ZNF532: variants seen among roughly 807,000 people sequenced by gnomAD.
ZNF532 encodes the protein zinc finger protein 532.
Under a neutral mutation model 89.3 loss-of-function variants are expected in ZNF532, and 22 were observed. That is an observed-to-expected ratio of 0.25 (90% CI 0.18 to 0.35). The LOEUF is 0.35. ZNF532 is among the 10% of genes least tolerant of loss of function. The pLI is 1.00. For missense variants in ZNF532, 1,132 were observed against 1,643.4 expected (o/e 0.69, Z 5.38); for synonymous variants, 606 against 649.6 (o/e 0.93, Z 1.02).
chr18:58,955,618 T>C (rs2064689032), intron 7 of ZNF532, among the ~76,000 whole-genome samples: 2 of 152,268 alleles, frequency 1.3e-5, no homozygotes, highest in Admixed American at 1.3e-4. Flanking sequence ...TGTTTTACTT[T>C]GTGATTATCC....
rs767695748 is a variant in ZNF532 at position 58,939,633 on chromosome 18, C to T, written c.2705+12C>T. 1.4e-5 allele frequency: 22 copies of T among 1,604,290 alleles called. No homozygotes were observed. The highest frequency in any genetic ancestry group is 1.2e-4 in the Admixed American group (7 of 58,014). On this transcript the variant is annotated intron_variant, in intron 5 of 9. Transcript: ENST00000591808. The stretch of plus-strand genomic sequence containing the variant: ...ATAGGAGAACCAAAGTAAGTCATAC[C>T]GACTTTCAAGTTTTACTCCACTGCT...
At position 58,919,313 on chromosome 18, in the gene ZNF532, C is replaced by G. The variant is rs368941599; in HGVS notation, c.1026C>G (p.Asn342Lys). 6.2e-7 allele frequency: 1 copy of G among 1,614,196 alleles called. No homozygotes were observed. Among genetic ancestry groups the G allele is most frequent in the Non-Finnish European group, 8.5e-7 (1 of 1,180,042 alleles). ...PDSPRSISSE[N>K]SSKGSPSSPA... ...GTCCCAGAAGCATCTCAAGTGAGAACAGCAGCAAAGGATCCCCGTCCTCTC... is the reference window on the plus strand; with the variant it reads ...GTCCCAGAAGCATCTCAAGTGAGAAGAGCAGCAAAGGATCCCCGTCCTCTC... Residue 342 changes from asparagine to lysine, a missense_variant, in exon 3 of 10, where the codon AAC (asparagine) becomes AAG (lysine). By Grantham distance (94) the Asn-to-Lys change is moderately conservative. This residue lies in a region of ZNF532 where 124 missense variants were observed against 191.6 expected (regional missense o/e 0.65). Transcript: ENST00000591808. This position sits in a 1 kb window ranked among gnomAD's most constrained non-coding sequence, Gnocchi z 6.1.
intron 2 of ZNF532, among the ~76,000 whole-genome samples, chr18:58,869,306 GAC>G (rs1375492225): frequency 6.6e-6 from 1 of 152,190 alleles, no homozygotes; most frequent in African/African-American, 2.4e-5. Flanking sequence ...ATTGTCTGAA[GAC>G]ACACGAGAGA....
chr18:58,863,478 CTTTTGTT>C (rs2056136405), upstream of ZNF532: 1 of 2,228 alleles, frequency 4.5e-4, no homozygotes, highest in Non-Finnish European at 1.0e-3. Context: ...CCCGCGCTCC[CTTTTGTT>C]CGCTCGCCGC....
chr18:58,960,055 C>T (rs1456376729), intron 7 of ZNF532, among the ~76,000 whole-genome samples: 1 of 152,218 alleles, frequency 6.6e-6, no homozygotes, highest in Non-Finnish European at 1.5e-5. Context: ...TCTCCTGCCT[C>T]AGCCTCCTAA....
At chr18:58,934,321 T>C in intron 3 of ZNF532, 112 bp from the exon 4 acceptor site, 1 of 983,378 alleles carries the variant, frequency 1.0e-6, no homozygotes, top group Non-Finnish European at 1.5e-6. Flanking sequence ...AATCAATTAC[T>C]GTAGTGTTTG....
In ZNF532 at chr18:58,888,724, T is replaced by A. The variant is rs1364566848; in HGVS notation, c.-18+23145T>A. 7.4e-3 allele frequency among the ~76,000 whole-genome samples: 280 copies of A among 37,816 alleles called. 16 individuals are homozygous for A. The highest frequency in any genetic ancestry group is 0.018 in the African/African-American group (141 of 7,842). 24.8% of individuals were successfully genotyped at this position (37,816 alleles called of 152,430 possible). A position where few individuals can be genotyped will look rare whatever the true frequency, so the allele number is the denominator to read the frequency against. On this transcript the variant is annotated intron_variant, in intron 2 of 9. Transcript: ENST00000591808. The stretch of plus-strand genomic sequence containing the variant: ...ATATATATATATATATATATATATA[T>A]AAATTATATATATATATTTTATATA...
chr18:58,959,441 T>C (rs1284887506), intron 7 of ZNF532, among the ~76,000 whole-genome samples: 1 of 152,024 alleles, frequency 6.6e-6, no homozygotes, highest in Non-Finnish European at 1.5e-5. Context: ...TGTGTTTTTA[T>C]AGAGACGGTG....
At chr18:58,887,945 C>T (rs1012591744) in intron 2 of ZNF532, among the ~76,000 whole-genome samples, 7 of 152,146 alleles carry the variant, frequency 4.6e-5, no homozygotes, top group Admixed American at 3.3e-4. Context: ...ATTAAAGGAG[C>T]CCTCCCCAAA....
Position 58,925,554 on chromosome 18 carries a change from C to T in ZNF532, c.2346+4921C>T, listed in dbSNP as rs933220415. On this transcript the variant is annotated intron_variant, in intron 3 of 9. Transcript: ENST00000591808. ...TTGGCTATGTGGCTGCAAGTGTTTT[C>T]GCCCAGTCTATAGCTTGTCTTTTCA... 4.6e-5 allele frequency among the ~76,000 whole-genome samples: 7 copies of T among 152,176 alleles called. No homozygotes were observed. In the East Asian group the frequency reaches 7.7e-4, roughly 17 times the overall value.
chr18:58,898,825 G>T (rs1378410649), intron 2 of ZNF532, among the ~76,000 whole-genome samples: 1 of 152,184 alleles, frequency 6.6e-6, no homozygotes, highest in Non-Finnish European at 1.5e-5. Flanking sequence ...GGTACCCCAG[G>T]GCAGGGGCTG....
chr18:58,979,309 A>T, intron 8 of ZNF532, 142 bp downstream of exon 8: 4 of 529,574 alleles, frequency 7.6e-6, no homozygotes, highest in Non-Finnish European at 1.3e-5. Context: ...TTTGGCATAG[A>T]GTTTTTGGAT....
chr18:58,888,787 A>AATT lies in ZNF532; in HGVS notation c.-18+23210_-18+23211insTAT, dbSNP rs1568246610. The stretch of plus-strand genomic sequence containing the variant: ...ATATATATAATTTATATATATATAA[A>AATT]ATATATATAATTTATATATATAAAA... On this transcript the variant is annotated intron_variant, in intron 2 of 9. Coordinates refer to ENST00000591808, the MANE Select transcript of ZNF532 (RefSeq NM_001375912.1). Among the ~76,000 whole-genome samples, 11 of 8,160 alleles carry AATT rather than the reference A, an allele frequency of 1.3e-3. No individual in the cohort carries two copies. In the South Asian group the frequency reaches 0.023, roughly 17 times the overall value. 5.4% of individuals were successfully genotyped at this position (8,160 alleles called of 152,430 possible).
chr18:58,891,067 C>T (rs1488089746), intron 2 of ZNF532, among the ~76,000 whole-genome samples: 2 of 152,080 alleles, frequency 1.3e-5, no homozygotes, highest in African/African-American at 2.4e-5. Context: ...TACACACGTG[C>T]GCCACCATGC....
chr18:58,869,026 T>TGCATAC (rs2056739040), intron 2 of ZNF532, among the ~76,000 whole-genome samples: 7 of 152,216 alleles, frequency 4.6e-5, no homozygotes, highest in African/African-American at 1.7e-4. Context: ...TGGTAACTAT[T>TGCATAC]TGTGTTTCTG....
At chr18:58,896,327 A>G (rs1295629236) in intron 2 of ZNF532, 1 of 152,098 alleles carries the variant, frequency 6.6e-6, no homozygotes, top group Non-Finnish European at 1.5e-5. Context: ...CACCTTCAAA[A>G]AAAGCTCTGA....
chr18:58,934,419 T>G lies in ZNF532; in HGVS notation c.2347-14T>G. On this transcript the variant is annotated splice_polypyrimidine_tract_variant and intron_variant, in intron 3 of 9. Transcript: ENST00000591808. Reference sequence around the variant, plus strand: ...TAGTAGGACCAACCCTGTTTCCCCCTTTGGTTTGTTTAGAAGACTTGCACT... The same window carrying G: ...TAGTAGGACCAACCCTGTTTCCCCCGTTGGTTTGTTTAGAAGACTTGCACT... The G allele has an allele frequency of 6.2e-7, 1 of 1,610,650 alleles. No individual in the cohort carries two copies. Among genetic ancestry groups the G allele is most frequent in the East Asian group, 2.2e-5 (1 of 44,824 alleles).
chr18:58,924,796 T>C (rs2061401962), intron 3 of ZNF532, among the ~76,000 whole-genome samples: 1 of 152,140 alleles, frequency 6.6e-6, no homozygotes, highest in African/African-American at 2.4e-5. Context: ...CTCTCCTCAC[T>C]CCTTAACCCC....
intron 6 of ZNF532, among the ~76,000 whole-genome samples, chr18:58,952,170 A>G (rs960835239): frequency 6.6e-6 from 1 of 152,184 alleles, no homozygotes; most frequent in Non-Finnish European, 1.5e-5. Context: ...ACATCCAAGA[A>G]GGAATGTGGA....
Sources: gnomAD v4.1 joint callset for allele counts (sites outside exome capture counted in the v4.1 genomes callset) on GRCh38, gnomAD v4.1.1 for gene constraint, gnomAD v4.1.1 regional missense constraint, Gnocchi (gnomAD v3.1) non-coding constraint, MANE v1.5 for transcripts, NCBI Gene and HGNC (gene_info 2026-07-23, HGNC 2026-07-21) for gene names.